The following PRELID2 variants were observed in gnomAD, a reference collection of about 807,000 sequenced individuals.
The protein encoded by PRELID2 is PRELI domain-containing protein 2.
Under a neutral mutation model 28.4 loss-of-function variants are expected in PRELID2, and 25 were observed. The observed-to-expected ratio is 0.88, with a 90% CI of 0.64 to 1.23. The LOEUF (loss-of-function observed/expected upper bound fraction) is 1.23. PRELID2 is among the 50% of genes most tolerant of loss of function. PRELID2 has a pLI of 0.00. For synonymous variants in PRELID2, 76 were observed against 71.6 expected (o/e 1.06, Z -0.31); for missense variants, 201 against 214.4 (o/e 0.94, Z 0.39).
chr5:145,620,570 AAT>A (rs1753760491), intron 1 of PRELID2, among the ~76,000 whole-genome samples: 3 of 151,818 alleles, frequency 2.0e-5, no homozygotes, highest in African/African-American at 7.3e-5. Flanking sequence ...CTAAAAAATA[AAT>A]TTTTTTTAAA....
At chr5:145,466,339 G>C in the PRELID2 span, among the ~76,000 whole-genome samples, 1 of 152,044 alleles carries the variant, frequency 6.6e-6, no homozygotes, top group East Asian at 1.9e-4. Context: ...AGTAATAAAA[G>C]GTCTTGAAAA....
At chr5:145,641,068 C>A (rs1754099069) in intron 1 of PRELID2, among the ~76,000 whole-genome samples, 1 of 151,978 alleles carries the variant, frequency 6.6e-6, no homozygotes, top group African/African-American at 2.4e-5. Context: ...GAACATAGAG[C>A]AATACACTTA....
chr5:145,677,014 T>G (rs749921678), intron 1 of PRELID2, among the ~76,000 whole-genome samples: 5 of 152,072 alleles, frequency 3.3e-5, no homozygotes, highest in Non-Finnish European at 7.4e-5. Flanking sequence ...GAAAACAAAT[T>G]GTGAGAAAGC....
At chr5:145,680,872 G>C (rs1220604123) in intron 1 of PRELID2, among the ~76,000 whole-genome samples, 1 of 152,186 alleles carries the variant, frequency 6.6e-6, no homozygotes, top group Non-Finnish European at 1.5e-5. Context: ...GCCAAGGAAG[G>C]CTATGGTTCA....
chr5:145,485,007 T>C (rs1405749738), intron 1 of PRELID2, among the ~76,000 whole-genome samples: 3 of 152,212 alleles, frequency 2.0e-5, no homozygotes, highest in Non-Finnish European at 4.4e-5. Flanking sequence ...GTCGTTGTCA[T>C]AGAGCTTCCA....
intron 1 of PRELID2, among the ~76,000 whole-genome samples, chr5:145,710,954 A>T (rs1319259031): frequency 6.6e-6 from 1 of 152,212 alleles, no homozygotes; most frequent in Non-Finnish European, 1.5e-5. Flanking sequence ...TTCTGTTTCT[A>T]AGAGGATAAT....
At chr5:145,568,426 G>A (rs1423813916) in intron 1 of PRELID2, among the ~76,000 whole-genome samples, 1 of 152,194 alleles carries the variant, frequency 6.6e-6, no homozygotes, top group Non-Finnish European at 1.5e-5. Context: ...ATCACTGGAA[G>A]TCAATAAGAA....
chr5:145,682,799 AC>A (rs1270804964), intron 1 of PRELID2, among the ~76,000 whole-genome samples: 2 of 152,102 alleles, frequency 1.3e-5, no homozygotes, highest in Non-Finnish European at 2.9e-5. Context: ...CTTGCCAATG[AC>A]CATCGAGGTT....
At chr5:145,378,527 AG>A in the PRELID2 span, among the ~76,000 whole-genome samples, 1 of 152,118 alleles carries the variant, frequency 6.6e-6, no homozygotes, top group Non-Finnish European at 1.5e-5. Context: ...GTCTTATTTC[AG>A]AAAGCCAGTA....
At chr5:145,460,219 G>C in the PRELID2 span, among the ~76,000 whole-genome samples, 1 of 152,116 alleles carries the variant, frequency 6.6e-6, no homozygotes, top group Non-Finnish European at 1.5e-5. Flanking sequence ...ATGCCACCTG[G>C]CCATACGTTT....
the PRELID2 span, among the ~76,000 whole-genome samples, chr5:145,423,427 G>A: frequency 6.6e-6 from 1 of 152,110 alleles, no homozygotes; most frequent in African/African-American, 2.4e-5. Flanking sequence ...TGGAGGCTTT[G>A]CTCATTTCTT....
chr5:145,502,424 G>C (rs1752367838), intron 1 of PRELID2, among the ~76,000 whole-genome samples: 1 of 152,108 alleles, frequency 6.6e-6, no homozygotes, highest in Non-Finnish European at 1.5e-5. Flanking sequence ...TGAGATTTGA[G>C]TGGGGACACA....
the PRELID2 span, among the ~76,000 whole-genome samples, chr5:145,464,049 G>A: frequency 1.3e-5 from 2 of 152,116 alleles, no homozygotes; most frequent in Non-Finnish European, 2.9e-5. Flanking sequence ...GCAAAGTCAA[G>A]TACCCCAATG....
intron 1 of PRELID2, among the ~76,000 whole-genome samples, chr5:145,744,706 G>T (rs1233423505): frequency 2.0e-5 from 3 of 152,014 alleles, no homozygotes; most frequent in African/African-American, 7.2e-5. Flanking sequence ...CTACCCAAGG[G>T]TCAGCATCCT....
At chr5:145,419,090 T>G in the PRELID2 span, among the ~76,000 whole-genome samples, 3 of 150,474 alleles carry the variant, frequency 2.0e-5, no homozygotes, top group African/African-American at 7.3e-5. Flanking sequence ...TAGTATTCCA[T>G]GGTGTATATG....
the PRELID2 span, among the ~76,000 whole-genome samples, chr5:145,330,707 A>G: frequency 6.6e-6 from 1 of 151,828 alleles, no homozygotes; most frequent in Non-Finnish European, 1.5e-5. Flanking sequence ...TATTTTGTTA[A>G]TCTTTTCAAA....
At chr5:145,566,951 T>C (rs1407894750) in intron 1 of PRELID2, among the ~76,000 whole-genome samples, 4 of 152,106 alleles carry the variant, frequency 2.6e-5, no homozygotes, top group Non-Finnish European at 5.9e-5. Flanking sequence ...TTTGCTTATC[T>C]AATTTTTCTA....
intron 4 of PRELID2, among the ~76,000 whole-genome samples, chr5:145,816,242 C>A (rs900320303): frequency 6.6e-6 from 1 of 151,608 alleles, no homozygotes; most frequent in Non-Finnish European, 1.5e-5. Context: ...ACCACCACAC[C>A]CGGCTAATTG....
chr5:145,381,220 G>A, the PRELID2 span, among the ~76,000 whole-genome samples: 1 of 152,118 alleles, frequency 6.6e-6, no homozygotes, highest in Admixed American at 6.5e-5. Flanking sequence ...CCCATGCAGG[G>A]CACTTTCCAT....
Sources: gnomAD v4.1 joint callset for allele counts (sites outside exome capture counted in the v4.1 genomes callset) on GRCh38, gnomAD v4.1.1 for gene constraint, MANE v1.5 for transcripts, NCBI Gene and HGNC (gene_info 2026-07-23, HGNC 2026-07-21) for gene names.